Variants in DAB1 observed in about 807,000 individuals in gnomAD.
The protein encoded by DAB1 is DAB adaptor protein 1, also known as disabled homolog 1.
DAB1 carries 15 observed loss-of-function variants against 64.6 expected under a neutral mutation model. The observed-to-expected ratio is 0.23, with a 90% confidence interval of 0.16 to 0.36. The LOEUF is 0.36. DAB1 is among the 10% of genes least tolerant of loss of function. The probability of loss-of-function intolerance (pLI) is 1.00; values close to 1 mark genes in which losing one functional copy is unlikely to be tolerated. For missense variants in DAB1, 596 were observed against 706.7 expected (o/e 0.84, Z 1.78); for synonymous variants, 235 against 251.9 (o/e 0.93, Z 0.64).
At chr1:57,037,255 A>G (rs1647199276) in intron 9 of DAB1, among the ~76,000 whole-genome samples, 1 of 152,240 alleles carries the variant, frequency 6.6e-6, no homozygotes, top group African/African-American at 2.4e-5. Context: ...GCCTTGATTG[A>G]TTATGCAATT....
At chr1:57,482,646 A>G (rs1007223850) in intron 7 of DAB1, among the ~76,000 whole-genome samples, 2 of 152,200 alleles carry the variant, frequency 1.3e-5, no homozygotes, top group Non-Finnish European at 2.9e-5. Context: ...AAATTGTTTT[A>G]CAAATTACTT....
intron 1 of DAB1, chr1:58,534,292 C>A: frequency 3.5e-6 from 3 of 866,918 alleles, no homozygotes; most frequent in Non-Finnish European, 6.0e-6. Flanking sequence ...TATCGGGCAT[C>A]TTTCTCAGTT....
chr1:58,472,582 G>A (rs1645371590), intron 3 of DAB1, among the ~76,000 whole-genome samples: 1 of 152,160 alleles, frequency 6.6e-6, no homozygotes, highest in Admixed American at 6.5e-5. Flanking sequence ...TTCTTCTTAA[G>A]TCAGTGGGGC....
At chr1:57,188,574 T>C (rs1030925568) in intron 2 of DAB1, among the ~76,000 whole-genome samples, 2 of 152,182 alleles carry the variant, frequency 1.3e-5, no homozygotes, top group Admixed American at 1.3e-4. Flanking sequence ...GTTACTGTCA[T>C]CAAAGATGAT....
chr1:58,129,373 G>A (rs549205398), intron 5 of DAB1, among the ~76,000 whole-genome samples: 5,448 of 139,392 alleles, frequency 0.039, 106 homozygotes, highest in Admixed American at 0.06. Flanking sequence ...TCTTGCTAGC[G>A]GTCTATCAAT....
intron 5 of DAB1, among the ~76,000 whole-genome samples, chr1:58,131,291 C>T (rs1653550551): frequency 1.4e-5 from 2 of 140,410 alleles, no homozygotes; most frequent in Non-Finnish European, 3.2e-5. Context: ...GTTCTCGAGC[C>T]TTGGTTTTCA....
chr1:57,439,553 C>A (rs1038348899), intron 7 of DAB1, among the ~76,000 whole-genome samples: 1 of 149,536 alleles, frequency 6.7e-6, no homozygotes, highest in Non-Finnish European at 1.5e-5. Context: ...CTCAGCCTCC[C>A]GAGTAGCTGG....
At chr1:58,198,923 T>A (rs923926894) in intron 4 of DAB1, among the ~76,000 whole-genome samples, 3 of 152,134 alleles carry the variant, frequency 2.0e-5, no homozygotes, top group African/African-American at 7.2e-5. Flanking sequence ...CTGGCCAACA[T>A]GGTGAAACTT....
At chr1:57,465,373 T>G (rs929457382) in intron 7 of DAB1, among the ~76,000 whole-genome samples, 6 of 152,218 alleles carry the variant, frequency 3.9e-5, no homozygotes, top group African/African-American at 1.2e-4. Context: ...TTTGTTTGAT[T>G]TTCCACCTTT....
chr1:57,470,179 G>A (rs1056037452), intron 7 of DAB1, among the ~76,000 whole-genome samples: 2 of 152,172 alleles, frequency 1.3e-5, no homozygotes, highest in African/African-American at 4.8e-5. Context: ...CTGAGGTGCT[G>A]GAGAAATGAG....
At chr1:57,560,634 T>C (rs180833607) in intron 7 of DAB1, among the ~76,000 whole-genome samples, 64 of 152,298 alleles carry the variant, frequency 4.2e-4, no homozygotes, top group Non-Finnish European at 8.2e-4. Flanking sequence ...CTGCCAGTTT[T>C]GAGTAGGGTC....
chr1:57,159,856 C>CAAAAAAAAAAAAAAAA (rs398049302), intron 2 of DAB1, among the ~76,000 whole-genome samples: 18 of 86,342 alleles, frequency 2.1e-4, no homozygotes, highest in African/African-American at 4.2e-4. Context: ...AGCAGCAAGA[C>CAAAAAAAAAAAAAAAA]AAAAAAAAAA....
rs543607944 is a variant in DAB1, at chr1:57,336,759, T to C, written c.-136-45593A>G. 2.0e-5 allele frequency among the ~76,000 whole-genome samples: 3 copies of C among 152,342 alleles called. No homozygotes were observed. In the South Asian group the frequency reaches 6.2e-4, roughly 32 times the overall value. The stretch of plus-strand genomic sequence containing the variant: ...TACCCCTCTATGTCTACCCTGTTGA[T>C]TACAGTAATTGTCCTAAGCAATCTG... On this transcript the variant is annotated intron_variant, in intron 1 of 14. Coordinates refer to ENST00000371236, the MANE Select transcript of DAB1 (RefSeq NM_001365792.1).
intron 7 of DAB1, among the ~76,000 whole-genome samples, chr1:57,618,813 C>G (rs765301918): frequency 6.6e-6 from 1 of 152,090 alleles, no homozygotes; most frequent in Non-Finnish European, 1.5e-5. Context: ...TATATTTAAA[C>G]TAGAGAGACA....
chr1:58,373,173 T>C (rs953196898), intron 3 of DAB1, among the ~76,000 whole-genome samples: 5 of 151,890 alleles, frequency 3.3e-5, no homozygotes, highest in African/African-American at 9.7e-5. Context: ...TATTTTCTTT[T>C]TTTTTTTTTT....
intron 4 of DAB1, among the ~76,000 whole-genome samples, chr1:57,098,925 G>A (rs1233864316): frequency 6.6e-6 from 1 of 152,148 alleles, no homozygotes; most frequent in Non-Finnish European, 1.5e-5. Context: ...ATTTTTACCA[G>A]AATAGTCAGA....
intron 7 of DAB1, among the ~76,000 whole-genome samples, chr1:57,539,939 A>C (rs1644781031): frequency 6.6e-6 from 1 of 152,208 alleles, no homozygotes; most frequent in African/African-American, 2.4e-5. Context: ...TTCCAGCATG[A>C]AGATGAATTA....
chr1:57,692,875 T>G (rs1272964702), intron 6 of DAB1, among the ~76,000 whole-genome samples: 2 of 152,102 alleles, frequency 1.3e-5, no homozygotes, highest in African/African-American at 2.4e-5. Flanking sequence ...TACCCGGCAT[T>G]TACAGGAAAA....
At chr1:58,225,356 T>C (rs1313449752) in intron 4 of DAB1, among the ~76,000 whole-genome samples, 2 of 152,182 alleles carry the variant, frequency 1.3e-5, no homozygotes, top group Admixed American at 6.5e-5. Context: ...ACTTTTACAC[T>C]GTTGGTGGGA....
Sources: allele counts gnomAD v4.1 joint callset (sites outside exome capture counted in the v4.1 genomes callset), GRCh38; gene constraint gnomAD v4.1.1; transcripts MANE v1.5; gene names NCBI Gene and HGNC (gene_info 2026-07-23, HGNC 2026-07-21).